FUBP3: variants seen among roughly 807,000 people sequenced by gnomAD.
FUBP3 encodes far upstream element-binding protein 3.
In FUBP3, 28 loss-of-function variants were observed where a neutral mutation model predicts 85.6. The ratio of observed to expected loss-of-function variants is 0.33; its 90% CI spans 0.24 to 0.45. The LOEUF is 0.45. Among genes scored for constraint, FUBP3 ranks in the 20% least tolerant of loss-of-function variants. The pLI, the probability that FUBP3 is intolerant of heterozygous loss-of-function variation, is 1.00. For synonymous variants in FUBP3, 271 were observed against 271.4 expected (o/e 1.00, Z 0.01); for missense variants, 583 against 755.1 (o/e 0.77, Z 2.67).
At chr9:130,622,466 T>C (rs1829798606) in intron 9 of FUBP3, among the ~76,000 whole-genome samples, 1 of 151,848 alleles carries the variant, frequency 6.6e-6, no homozygotes, top group South Asian at 2.1e-4. Context: ...ATCTCATCTG[T>C]ACTAAAAATA....
At chr9:130,581,598 A>T (rs1830133198) in intron 1 of FUBP3, 1 of 152,232 alleles carries the variant, frequency 6.6e-6, no homozygotes, top group Non-Finnish European at 1.5e-5. Flanking sequence ...CTGTATGCTG[A>T]TGGTAAACTT....
intron 16 of FUBP3, among the ~76,000 whole-genome samples, chr9:130,634,315 G>C (rs1588170632): frequency 6.6e-6 from 1 of 152,220 alleles, no homozygotes; most frequent in Non-Finnish European, 1.5e-5. Flanking sequence ...TTGAACAGAG[G>C]GCCACGCGAA....
In FUBP3 at chr9:130,613,598, T is replaced by A. The variant is rs893466702; in HGVS notation, c.346+571T>A. Among the ~76,000 whole-genome samples the A allele has an allele frequency of 2.0e-5, 3 of 152,240 alleles. No individual in the cohort carries two copies. The East Asian group carries it at 5.8e-4, about 29-fold the overall frequency. On this transcript the variant is annotated intron_variant, in intron 5 of 18. Transcript: ENST00000319725. ...TTTGTCATCTAATTTGAGCTTGACC[T>A]CTTTCCATTGCAAAGGAAGGGGTTT...
intron 18 of FUBP3, among the ~76,000 whole-genome samples, chr9:130,636,397 C>T (rs1274610685): frequency 6.6e-6 from 1 of 152,284 alleles, no homozygotes; most frequent in Admixed American, 6.5e-5. Flanking sequence ...GTCCAGGCCC[C>T]AGACCTCAGG....
intron 18 of FUBP3, among the ~76,000 whole-genome samples, chr9:130,636,533 C>T (rs905955437): frequency 2.6e-5 from 4 of 152,234 alleles, no homozygotes; most frequent in East Asian, 1.9e-4. Context: ...CAGCCATGCC[C>T]GGGCAGCAGC....
chr9:130,619,536 G>A (rs1829646899), intron 8 of FUBP3, among the ~76,000 whole-genome samples: 1 of 152,158 alleles, frequency 6.6e-6, no homozygotes, highest in African/African-American at 2.4e-5. Flanking sequence ...TCCAGTACAT[G>A]TCCAGATTTC....
chr9:130,594,771 CAT>C (rs1830783826), intron 1 of FUBP3, among the ~76,000 whole-genome samples: 1 of 151,532 alleles, frequency 6.6e-6, no homozygotes, highest in Non-Finnish European at 1.5e-5. Context: ...CATTTGAGCA[CAT>C]GAGGCCTTTC....
In FUBP3 at chr9:130,617,831, A is replaced by G. The variant is rs760798791; in HGVS notation, c.602A>G (p.Asp201Gly). ...GGGGTGAAGATGGTCATGATCCAGG[A>G]TGGCCCATTGCCCACGGGAGCAGAC... Reference protein sequence around the residue: ...RTGVKMVMIQDGPLPTGADKP... With the variant: ...RTGVKMVMIQGGPLPTGADKP... Residue 201 changes from aspartate to glycine, a missense_variant, in exon 8 of 19, where the codon GAT (aspartate) becomes GGT (glycine). Asp to Gly is a moderately conservative substitution (Grantham distance 94). Transcript: ENST00000319725. 6.2e-7 allele frequency: 1 copy of G among 1,609,438 alleles called. No individual in the cohort carries two copies. The highest frequency in any genetic ancestry group is 1.7e-5 in the Admixed American group (1 of 60,020).
intron 12 of FUBP3, among the ~76,000 whole-genome samples, chr9:130,627,899 T>C (rs979167485): frequency 1.3e-5 from 2 of 152,200 alleles, no homozygotes; most frequent in Admixed American, 1.3e-4. Flanking sequence ...CCCTTGGTGC[T>C]CACAGAGCAG....
intron 1 of FUBP3, among the ~76,000 whole-genome samples, chr9:130,585,713 A>G (rs1273488592): frequency 6.6e-6 from 1 of 152,334 alleles, no homozygotes; most frequent in Non-Finnish European, 1.5e-5. Flanking sequence ...CCCTCTTTCC[A>G]TGGAACCAAA....
chr9:130,615,412 T>C (rs765871175), intron 6 of FUBP3, among the ~76,000 whole-genome samples: 1 of 152,208 alleles, frequency 6.6e-6, no homozygotes, highest in Non-Finnish European at 1.5e-5. Flanking sequence ...GGCAGTGGGA[T>C]TATAACTTTA....
intron 16 of FUBP3, 92 bp from the exon 17 acceptor site, chr9:130,634,575 G>T: frequency 1.0e-6 from 1 of 975,200 alleles, no homozygotes; most frequent in East Asian, 2.5e-5. Flanking sequence ...GAGCGAGGTG[G>T]AGGAGTGCAG....
intron 2 of FUBP3, among the ~76,000 whole-genome samples, chr9:130,606,732 A>C (rs1194080583): frequency 6.6e-6 from 1 of 152,044 alleles, no homozygotes; most frequent in South Asian, 2.1e-4. Context: ...AGGTAGGAGA[A>C]TCGCTTGAAC....
intron 3 of FUBP3, 108 bp downstream of exon 3, chr9:130,610,095 C>A: frequency 1.1e-6 from 1 of 924,748 alleles, no homozygotes; most frequent in South Asian, 1.4e-5. Context: ...TGTGAAAAAG[C>A]ATGGGTTAGG....
At chr9:130,631,182 TAAAG>T (rs939488870) in intron 13 of FUBP3, 19 of 1,161,248 alleles carry the variant, frequency 1.6e-5, no homozygotes, top group African/African-American at 8.0e-5. Context: ...TCAAGGCAGA[TAAAG>T]AAAGGGAGTG....
chr9:130,617,588 G>A (rs979118804), intron 7 of FUBP3, among the ~76,000 whole-genome samples: 1 of 152,198 alleles, frequency 6.6e-6, no homozygotes, highest in Non-Finnish European at 1.5e-5. Context: ...TTTAGGAGAT[G>A]GTTTTACATC....
chr9:130,581,819 TAA>T (rs1213366806), intron 1 of FUBP3: 1 of 152,174 alleles, frequency 6.6e-6, no homozygotes, highest in Non-Finnish European at 1.5e-5. Flanking sequence ...CAAAGAGCAG[TAA>T]AGTGTCTCAC....
Position 130,616,194 on chromosome 9 carries a change from G to A in FUBP3, c.405-161G>A, listed in dbSNP as rs921286949. Among the ~76,000 whole-genome samples, 5 of 152,178 alleles carry A rather than the reference G, an allele frequency of 3.3e-5. No individual in the cohort carries two copies. Among genetic ancestry groups the A allele is most frequent in the Non-Finnish European group, 1.5e-5 (1 of 68,028 alleles). ...TTAAATTCCAGCCCGGTAGCGTGGC[G>A]GATGGCAGAGAGACCTCCGGGTTGT... is the stretch of plus-strand genomic sequence containing the variant. On this transcript the variant is annotated intron_variant, in intron 6 of 18. Transcript: ENST00000319725. This position sits in a 1 kb window ranked among gnomAD's most constrained non-coding sequence, Gnocchi z 4.7.
chr9:130,596,282 A>C (rs901206564), intron 2 of FUBP3, among the ~76,000 whole-genome samples: 1 of 152,168 alleles, frequency 6.6e-6, no homozygotes, highest in Non-Finnish European at 1.5e-5. Flanking sequence ...CTAGATTGAC[A>C]TGAATTTGCA....
Sources: gnomAD v4.1 joint callset for allele counts (sites outside exome capture counted in the v4.1 genomes callset) on GRCh38, gnomAD v4.1.1 for gene constraint, Gnocchi (gnomAD v3.1) non-coding constraint, MANE v1.5 for transcripts, NCBI Gene and HGNC (gene_info 2026-07-23, HGNC 2026-07-21) for gene names.